The following CAMTA1 variants were observed in gnomAD, a reference collection of about 807,000 sequenced individuals.
CAMTA1 encodes calmodulin-binding transcription activator 1.
A neutral mutation model predicts 170.9 loss-of-function variants in CAMTA1; 27 were observed. The ratio of observed to expected loss-of-function variants is 0.16; its 90% CI spans 0.12 to 0.22. The LOEUF is 0.22. Ranked by LOEUF, CAMTA1 falls within the 10% of genes least tolerant of loss-of-function variation. CAMTA1 has a pLI of 1.00. For missense variants in CAMTA1, 1,619 were observed against 2,217.2 expected, an observed-to-expected ratio of 0.73 and a Z score of 5.42; for synonymous variants, 833 against 891.5, an observed-to-expected ratio of 0.93 and a Z score of 1.17.
intron 11 of CAMTA1, among the ~76,000 whole-genome samples, chr1:7,689,494 G>C (rs2004543): frequency 6.6e-6 from 1 of 151,642 alleles, no homozygotes; most frequent in African/African-American, 2.4e-5. Flanking sequence ...CAGGAGGATC[G>C]CTTGAGCCCT....
At chr1:7,169,661 A>T (rs191016158) in intron 4 of CAMTA1, among the ~76,000 whole-genome samples, 44 of 152,230 alleles carry the variant, frequency 2.9e-4, no homozygotes, top group Non-Finnish European at 5.1e-4. Flanking sequence ...ACAGGCATGC[A>T]CCACCACACT....
At chr1:6,937,849 T>C (rs1459646506) in intron 3 of CAMTA1, among the ~76,000 whole-genome samples, 4 of 150,498 alleles carry the variant, frequency 2.7e-5, no homozygotes, top group African/African-American at 4.9e-5. Flanking sequence ...ATCACCATAA[T>C]CATCACTGTC....
chr1:7,270,293 T>TATATATATATATA (rs1553296848), intron 5 of CAMTA1, among the ~76,000 whole-genome samples: 1 of 76,466 alleles, frequency 1.3e-5, no homozygotes, highest in African/African-American at 4.7e-5. Flanking sequence ...ATATATATAT[T>TATATATATATATA]TTTTTTTTTT....
Position 6,830,043 on chromosome 1 carries a change from A to T in CAMTA1, c.234+4833A>T, listed in dbSNP as rs559311914. Among the ~76,000 whole-genome samples the T allele has an allele frequency of 6.0e-4, 85 of 141,400 alleles. 1 individual carries two copies. The highest frequency in any genetic ancestry group is 9.1e-4 in the African/African-American group (35 of 38,264). 92.8% of individuals were successfully genotyped at this position (141,400 alleles called of 152,430 possible). On this transcript the variant is annotated intron_variant, in intron 3 of 22. Transcript: ENST00000303635. ...TTCTTTTTTTATTTATTTATTTTTT[A>T]TTTTTTTTTTTGAGACGGAGTCTCG...
intron 5 of CAMTA1, among the ~76,000 whole-genome samples, chr1:7,438,013 G>T (rs2092401387): frequency 6.6e-6 from 1 of 152,226 alleles, no homozygotes; most frequent in Admixed American, 6.5e-5. Context: ...ATCACAGAGG[G>T]CCTTGCTGAG....
chr1:6,954,194 G>A (rs140313653), intron 3 of CAMTA1, among the ~76,000 whole-genome samples: 8 of 152,282 alleles, frequency 5.3e-5, no homozygotes, highest in South Asian at 2.1e-4. Context: ...TCTAAATGAC[G>A]CCCTGGCTGG....
At chr1:7,191,369 G>A (rs779198390) in intron 4 of CAMTA1, among the ~76,000 whole-genome samples, 39 of 152,176 alleles carry the variant, frequency 2.6e-4, no homozygotes, top group Non-Finnish European at 4.9e-4. Context: ...TGCATGAATT[G>A]CTCCTAGAAG....
chr1:7,169,446 T>C (rs1184056419), intron 4 of CAMTA1, among the ~76,000 whole-genome samples: 1 of 152,246 alleles, frequency 6.6e-6, no homozygotes, highest in Non-Finnish European at 1.5e-5. Flanking sequence ...ACAAGAATAT[T>C]CAGGTTTTTA....
chr1:7,259,797 A>G (rs529212838), intron 5 of CAMTA1, among the ~76,000 whole-genome samples: 23 of 152,350 alleles, frequency 1.5e-4, no homozygotes, highest in African/African-American at 5.1e-4. Context: ...ATCAGAACAC[A>G]CTGAGTGGCG....
intron 5 of CAMTA1, among the ~76,000 whole-genome samples, chr1:7,445,775 C>A (rs1348736478): frequency 6.6e-6 from 1 of 152,186 alleles, no homozygotes; most frequent in Non-Finnish European, 1.5e-5. Context: ...TCTTCCTAAG[C>A]GATGAACATC....
At chr1:7,328,063 G>C (rs985441583) in intron 5 of CAMTA1, among the ~76,000 whole-genome samples, 2 of 152,018 alleles carry the variant, frequency 1.3e-5, no homozygotes, top group Admixed American at 6.6e-5. Flanking sequence ...TTTGACTCCT[G>C]TTGAGGTTGT....
chr1:7,368,917 A>G (rs2086225168), intron 5 of CAMTA1: 1 of 152,300 alleles, frequency 6.6e-6, no homozygotes, highest in African/African-American at 2.4e-5. Context: ...TTCCCATGGC[A>G]CCATGACTGT....
rs190517661 is a variant in CAMTA1 at position 6,893,239 on chromosome 1, C to T, written c.234+68029C>T. 3.3e-3 allele frequency among the ~76,000 whole-genome samples: 507 copies of T among 151,854 alleles called. 4 individuals are homozygous for T. Among genetic ancestry groups the T allele is most frequent in the African/African-American group, 0.012 (478 of 41,404 alleles). ...TCGCGTCATTGCACTCCAGCCTGGG[C>T]GACAGAGCAAGACTCCATCTCGAGG... On this transcript the variant is annotated intron_variant, in intron 3 of 22. Transcript: ENST00000303635.
At chr1:7,518,529 C>T (rs1274927163) in intron 6 of CAMTA1, among the ~76,000 whole-genome samples, 1 of 152,010 alleles carries the variant, frequency 6.6e-6, no homozygotes, top group Non-Finnish European at 1.5e-5. Flanking sequence ...CCATCCCTCC[C>T]TGAAGACAGC....
intron 6 of CAMTA1, among the ~76,000 whole-genome samples, chr1:7,601,819 C>T (rs1003457437): frequency 6.6e-6 from 1 of 152,138 alleles, no homozygotes. Flanking sequence ...CGCGCGCCTG[C>T]AATCGCAGGC....
chr1:6,975,023 T>C (rs1418854851), intron 3 of CAMTA1, among the ~76,000 whole-genome samples: 1 of 152,180 alleles, frequency 6.6e-6, no homozygotes, highest in Non-Finnish European at 1.5e-5. Flanking sequence ...CAACTTAAAT[T>C]ATCAATAAAT....
At chr1:7,582,855 A>C (rs1428523396) in intron 6 of CAMTA1, among the ~76,000 whole-genome samples, 2 of 151,350 alleles carry the variant, frequency 1.3e-5, no homozygotes, top group Non-Finnish European at 2.9e-5. Flanking sequence ...ACCAGAAGGA[A>C]ATGGGCCCTG....
rs937151984 is a variant in CAMTA1, at chr1:7,493,119, C to T, written c.510+25218C>T. Among the ~76,000 whole-genome samples, 40 of 138,738 alleles carry T rather than the reference C, an allele frequency of 2.9e-4. 2 individuals are homozygous for T. Among genetic ancestry groups the T allele is most frequent in the Middle Eastern group, 0.012 (2 of 172 alleles). 91.0% of individuals were successfully genotyped at this position (138,738 alleles called of 152,430 possible). A position where few individuals can be genotyped will look rare whatever the true frequency, so the allele number is the denominator to read the frequency against. On this transcript the variant is annotated intron_variant, in intron 6 of 22. Transcript: ENST00000303635. ...CAACACAAACCTACATACACACACG[C>T]GCACACACAGACATACAAACGTGAG...
At chr1:7,571,705 A>C (rs996067650) in intron 6 of CAMTA1, among the ~76,000 whole-genome samples, 1 of 152,210 alleles carries the variant, frequency 6.6e-6, no homozygotes, top group African/African-American at 2.4e-5. Flanking sequence ...TCCACGGTGC[A>C]TATGTATCAC....
Sources: allele counts gnomAD v4.1 joint callset (sites outside exome capture counted in the v4.1 genomes callset), GRCh38; gene constraint gnomAD v4.1.1; transcripts MANE v1.5; gene names NCBI Gene and HGNC (gene_info 2026-07-23, HGNC 2026-07-21).